The following ERI3 variants were observed in gnomAD, a reference collection of about 807,000 sequenced individuals.
The protein encoded by ERI3 is ERI1 exoribonuclease 3.
In ERI3, 18 loss-of-function variants were observed where a neutral mutation model predicts 44.4. The ratio of observed to expected loss-of-function variants is 0.41; its 90% CI spans 0.28 to 0.60. ERI3 has a LOEUF of 0.60. ERI3 is among the 20% of genes least tolerant of loss of function. ERI3 has a pLI of 0.36. For missense variants in ERI3, 294 were observed against 435.5 expected, an observed-to-expected ratio of 0.68 and a Z score of 2.89; for synonymous variants, 183 against 164.8, an observed-to-expected ratio of 1.11 and a Z score of -0.84.
intron 5 of ERI3, among the ~76,000 whole-genome samples, chr1:44,310,321 T>G (rs1572244823): frequency 3.9e-5 from 6 of 152,188 alleles, no homozygotes; most frequent in Admixed American, 3.9e-4. Flanking sequence ...GAGGCAAAGG[T>G]ACATGTGCAA....
chr1:44,299,536 A>T (rs1436775905), intron 6 of ERI3, among the ~76,000 whole-genome samples: 1 of 152,032 alleles, frequency 6.6e-6, no homozygotes, highest in African/African-American at 2.4e-5. Context: ...AAAGGGTTTT[A>T]AAAAAACACA....
chr1:44,223,529 C>T (rs573060301), intron 8 of ERI3, among the ~76,000 whole-genome samples: 2 of 152,194 alleles, frequency 1.3e-5, no homozygotes, highest in East Asian at 1.9e-4. Flanking sequence ...GGACCGTGGC[C>T]GCTGTGCATA....
intron 2 of ERI3, among the ~76,000 whole-genome samples, chr1:44,342,826 T>TATATAA (rs1646687908): frequency 1.2e-4 from 2 of 17,300 alleles, no homozygotes; most frequent in Admixed American, 7.4e-4. Context: ...TATATATATA[T>TATATAA]ATATATATAT....
chr1:44,258,436 A>C (rs923711514), intron 7 of ERI3, among the ~76,000 whole-genome samples: 3 of 152,102 alleles, frequency 2.0e-5, no homozygotes, highest in Admixed American at 1.3e-4. Context: ...CCCTGGGAAA[A>C]AGAAGAAGGG....
intron 2 of ERI3, 75 bp downstream of exon 2, chr1:44,352,775 C>T (rs1477754350): frequency 2.0e-6 from 3 of 1,531,012 alleles, no homozygotes; most frequent in African/African-American, 2.8e-5. Flanking sequence ...TGCATCAGCC[C>T]CCACCCCCTA....
At chr1:44,286,518 G>A (rs1645397184) in intron 6 of ERI3, among the ~76,000 whole-genome samples, 1 of 152,088 alleles carries the variant, frequency 6.6e-6, no homozygotes, top group Non-Finnish European at 1.5e-5. Flanking sequence ...TAAAATTAAA[G>A]CCAGGAGAGT....
chr1:44,334,210 C>T (rs1326379030), intron 3 of ERI3, among the ~76,000 whole-genome samples: 7 of 152,218 alleles, frequency 4.6e-5, no homozygotes, highest in Non-Finnish European at 5.9e-5. Context: ...AGGTTACCTC[C>T]TCCTCCCAAC....
At position 44,241,859 on chromosome 1, in the gene ERI3, CCTT is replaced by C. The variant is rs1426017616; in HGVS notation, c.931+6077_931+6079del. 4.8e-6 allele frequency: 3 copies of C among 618,566 alleles called. No homozygotes were observed. In the African/African-American group the frequency reaches 6.1e-5, roughly 13 times the overall value. The allele number at this position is 618,566 out of a possible 1,614,324, so 38.3% of individuals were successfully genotyped here. On this transcript the variant is annotated intron_variant, in intron 8 of 8. Transcript: ENST00000372257. This position sits in a 1 kb window ranked among gnomAD's most constrained non-coding sequence, Gnocchi z 5.6. ...ACATACATACATACATACAGGAGAA[CCTT>C]CTTCCATCCATCTGTCCATCAACTC...
chr1:44,231,640 C>T (rs901024364), intron 8 of ERI3, among the ~76,000 whole-genome samples: 39 of 152,280 alleles, frequency 2.6e-4, no homozygotes, highest in African/African-American at 9.1e-4. Flanking sequence ...GCCATTGGTC[C>T]CGGCCCTTGT....
At chr1:44,269,056 A>G (rs904414912) in intron 7 of ERI3, among the ~76,000 whole-genome samples, 9 of 152,152 alleles carry the variant, frequency 5.9e-5, no homozygotes, top group Non-Finnish European at 1.0e-4. Context: ...ACTTCTTCCA[A>G]TGGGACAGTG....
chr1:44,352,455 T>C (rs1276637713), intron 2 of ERI3, among the ~76,000 whole-genome samples: 3 of 151,016 alleles, frequency 2.0e-5, no homozygotes, highest in Non-Finnish European at 4.4e-5. Flanking sequence ...GATAGATAGA[T>C]AGATAGATAA....
In ERI3 at chr1:44,246,799, A is replaced by G. The variant is rs144870601; in HGVS notation, c.931+1140T>C. On this transcript the variant is annotated intron_variant, in intron 8 of 8. Coordinates refer to ENST00000372257, the MANE Select transcript of ERI3 (RefSeq NM_024066.3). The stretch of plus-strand genomic sequence containing the variant: ...GAAACTTCTACTTAGCATGCCCAGC[A>G]TCCACAAGGTACCAGTGAATGTCTG... 3.9e-5 allele frequency among the ~76,000 whole-genome samples: 6 copies of G among 152,352 alleles called. No individual in the cohort carries two copies. The East Asian group carries it at 9.6e-4, about 25-fold the overall frequency.
intron 5 of ERI3, among the ~76,000 whole-genome samples, chr1:44,312,868 C>G (rs1451951117): frequency 6.6e-6 from 1 of 152,256 alleles, no homozygotes; most frequent in Non-Finnish European, 1.5e-5. Context: ...CCCCAGCCCA[C>G]CCAGCATAGG....
At chr1:44,338,979 A>C in intron 3 of ERI3, 66 bp downstream of exon 3, 1 of 1,561,632 alleles carries the variant, frequency 6.4e-7, no homozygotes. Context: ...TGTCCCAGGA[A>C]GCAAAACTAT....
intron 7 of ERI3, among the ~76,000 whole-genome samples, chr1:44,260,266 G>C (rs1298766357): frequency 2.6e-5 from 4 of 152,246 alleles, no homozygotes; most frequent in Admixed American, 2.6e-4. Flanking sequence ...ATTGAGAGGA[G>C]GGAAGTTCTC....
At chr1:44,223,907 C>T (rs1031151973) in intron 8 of ERI3, among the ~76,000 whole-genome samples, 3 of 152,234 alleles carry the variant, frequency 2.0e-5, no homozygotes, top group Admixed American at 2.0e-4. Context: ...ATAGGCTCTA[C>T]ACCACATATT....
At chr1:44,310,010 C>T (rs997094652) in intron 5 of ERI3, among the ~76,000 whole-genome samples, 1 of 152,182 alleles carries the variant, frequency 6.6e-6, no homozygotes, top group African/African-American at 2.4e-5. Flanking sequence ...GTCATGTAAC[C>T]TCTCTGAACC....
intron 3 of ERI3, 35 bp downstream of exon 3, chr1:44,339,010 C>G: frequency 6.2e-7 from 1 of 1,601,272 alleles, no homozygotes. Flanking sequence ...TCCTTGCCCC[C>G]CCCACCTTTT....
intron 3 of ERI3, among the ~76,000 whole-genome samples, chr1:44,325,984 T>C (rs1011631968): frequency 7.0e-4 from 106 of 152,186 alleles, no homozygotes; most frequent in Admixed American, 5.2e-4. Context: ...TAGCCCTTTT[T>C]TCCTAAGCAT....
Sources: gnomAD v4.1 joint callset for allele counts (sites outside exome capture counted in the v4.1 genomes callset) on GRCh38, gnomAD v4.1.1 for gene constraint, Gnocchi (gnomAD v3.1) non-coding constraint, MANE v1.5 for transcripts, NCBI Gene and HGNC (gene_info 2026-07-23, HGNC 2026-07-21) for gene names.